Variants in APBB2 observed in about 807,000 individuals in gnomAD.
APBB2 encodes the protein Fe65-like 1.
APBB2 carries 38 observed loss-of-function variants against 82.5 expected under a neutral mutation model. The observed-to-expected ratio is 0.46, with a 90% CI of 0.36 to 0.60. The LOEUF is 0.60. APBB2 is among the 20% of genes least tolerant of loss of function. APBB2 has a pLI of 0.00. For synonymous variants in APBB2, 341 were observed against 368.2 expected, an observed-to-expected ratio of 0.93 and a Z score of 0.85; for missense variants, 772 against 972.3, an observed-to-expected ratio of 0.79 and a Z score of 2.74.
At chr4:40,882,690 G>C (rs1012194886) in intron 12 of APBB2, among the ~76,000 whole-genome samples, 6 of 152,150 alleles carry the variant, frequency 3.9e-5, no homozygotes, top group African/African-American at 1.4e-4. Flanking sequence ...CGTAGTCTGC[G>C]GAGTCCCAGC....
At chr4:40,860,382 A>G (rs971641365) in intron 12 of APBB2, among the ~76,000 whole-genome samples, 4 of 152,206 alleles carry the variant, frequency 2.6e-5, no homozygotes, top group Admixed American at 6.5e-5. Flanking sequence ...TGGAGCCTCA[A>G]TAAAAATCCT....
chr4:41,099,259 G>A (rs894903998), intron 3 of APBB2, among the ~76,000 whole-genome samples: 5 of 151,906 alleles, frequency 3.3e-5, no homozygotes, highest in African/African-American at 7.3e-5. Context: ...ATGGAGTTTC[G>A]CTCTTGTTGC....
At chr4:41,147,344 T>C (rs1438014826) in intron 1 of APBB2, among the ~76,000 whole-genome samples, 1 of 152,198 alleles carries the variant, frequency 6.6e-6, no homozygotes. Flanking sequence ...GAACTGGATT[T>C]GATTCATAGA....
In APBB2 at chr4:40,852,121, C is replaced by A. The variant is rs556535676; in HGVS notation, c.1530-21544G>T. The stretch of plus-strand genomic sequence containing the variant: ...ATGCCTGTAATCCCAGCACTAAGGC[C>A]GGTGGATCACTTGAGGTCGGGAGCT... On this transcript the variant is annotated intron_variant, in intron 12 of 17. Coordinates refer to ENST00000508593, the MANE Select transcript of APBB2 (RefSeq NM_004307.2). Among the ~76,000 whole-genome samples, 5 of 151,874 alleles carry A rather than the reference C, an allele frequency of 3.3e-5. No homozygotes were observed. In the East Asian group the frequency reaches 9.7e-4, roughly 29 times the overall value.
At chr4:40,846,645 G>A (rs989047512) in intron 12 of APBB2, among the ~76,000 whole-genome samples, 1 of 152,114 alleles carries the variant, frequency 6.6e-6, no homozygotes, top group Non-Finnish European at 1.5e-5. Flanking sequence ...CCACCTCACT[G>A]TCCTGCCCAG....
Position 41,060,335 on chromosome 4 carries a change from A to C in APBB2, c.-51+5241T>G, listed in dbSNP as rs1289529949. On this transcript the variant is annotated intron_variant, in intron 4 of 17. Coordinates refer to ENST00000508593, the MANE Select transcript of APBB2 (RefSeq NM_004307.2). ...TTGCAAAAACTTGTAATATGCAAAGAATTTCTCCCCTTATCAATGCTGAGC... is the reference window on the plus strand; with the variant it reads ...TTGCAAAAACTTGTAATATGCAAAGCATTTCTCCCCTTATCAATGCTGAGC... Among the ~76,000 whole-genome samples, 4 of 152,350 alleles carry C rather than the reference A, an allele frequency of 2.6e-5. No homozygotes were observed. The East Asian group carries it at 7.7e-4, about 29-fold the overall frequency.
intron 2 of APBB2, among the ~76,000 whole-genome samples, chr4:41,109,258 T>C (rs530036869): frequency 6.6e-6 from 1 of 151,836 alleles, no homozygotes; most frequent in Admixed American, 6.6e-5. Context: ...GGCAAGACCC[T>C]ATCTCTCTAC....
At chr4:40,869,659 G>A (rs1411467058) in intron 12 of APBB2, among the ~76,000 whole-genome samples, 1 of 151,992 alleles carries the variant, frequency 6.6e-6, no homozygotes, top group Non-Finnish European at 1.5e-5. Flanking sequence ...AACAAAGTGG[G>A]CCAGAATTTT....
intron 3 of APBB2, among the ~76,000 whole-genome samples, chr4:41,076,356 A>G (rs1391780476): frequency 6.6e-6 from 1 of 152,162 alleles, no homozygotes. Context: ...TAAACCATGA[A>G]GCTTGCTATG....
In APBB2 at chr4:41,156,450, G is replaced by A. The variant is rs555303235; in HGVS notation, c.-416-13308C>T. Among the ~76,000 whole-genome samples the A allele has an allele frequency of 5.9e-5, 9 of 152,302 alleles. No homozygotes were observed. In the East Asian group the frequency reaches 1.5e-3, roughly 26 times the overall value. On this transcript the variant is annotated intron_variant, in intron 1 of 17. Coordinates refer to ENST00000508593, the MANE Select transcript of APBB2 (RefSeq NM_004307.2). The stretch of plus-strand genomic sequence containing the variant: ...AGAATCTCCATGTGCTCCGAGTATC[G>A]ATAGCCAGTCCAGCTTCATTCACTC...
intron 10 of APBB2, among the ~76,000 whole-genome samples, chr4:40,925,848 G>A (rs1474514104): frequency 6.6e-6 from 1 of 152,094 alleles, no homozygotes; most frequent in Non-Finnish European, 1.5e-5. Context: ...AGGAACCAAG[G>A]GAGGGCACAG....
intron 13 of APBB2, among the ~76,000 whole-genome samples, chr4:40,829,037 A>G (rs1454759147): frequency 1.3e-5 from 2 of 152,158 alleles, no homozygotes; most frequent in Admixed American, 1.3e-4. Context: ...CATTCAACAG[A>G]GGGGATGGCA....
At chr4:40,828,671 G>A (rs779267703) in intron 13 of APBB2, among the ~76,000 whole-genome samples, 17 of 152,206 alleles carry the variant, frequency 1.1e-4, no homozygotes, top group Non-Finnish European at 1.5e-4. Flanking sequence ...TGTGTTGCAT[G>A]AATGAATGAG....
At chr4:40,935,816 G>A (rs1035698029) in intron 7 of APBB2, among the ~76,000 whole-genome samples, 1 of 151,716 alleles carries the variant, frequency 6.6e-6, no homozygotes, top group African/African-American at 2.4e-5. Flanking sequence ...ATCATGAAAT[G>A]ATTTTCTAAA....
chr4:41,210,159 G>A (rs541326405), intron 1 of APBB2, among the ~76,000 whole-genome samples: 7 of 152,266 alleles, frequency 4.6e-5, no homozygotes, highest in African/African-American at 2.4e-5. Flanking sequence ...TCTATGGCCC[G>A]GTTCCTAATA....
At chr4:41,007,512 T>C (rs2154425729) in intron 6 of APBB2, among the ~76,000 whole-genome samples, 1 of 152,334 alleles carries the variant, frequency 6.6e-6, no homozygotes, top group Admixed American at 6.5e-5. Flanking sequence ...TCCTTGGCAC[T>C]GGCCCTCCCA....
At chr4:40,962,722 T>TG (rs1481889110) in intron 6 of APBB2, among the ~76,000 whole-genome samples, 3 of 125,882 alleles carry the variant, frequency 2.4e-5, no homozygotes, top group Non-Finnish European at 5.0e-5. Flanking sequence ...GACAAAGAAG[T>TG]GGGGGAAGGG....
chr4:40,972,751 C>T (rs1020920526), intron 6 of APBB2, among the ~76,000 whole-genome samples: 1 of 152,150 alleles, frequency 6.6e-6, no homozygotes, highest in Non-Finnish European at 1.5e-5. Context: ...AGAGAAGTAA[C>T]GAATCCCATG....
In APBB2 at chr4:40,971,255, A is replaced by C. The variant is rs554220042; in HGVS notation, c.836-26182T>G. On this transcript the variant is annotated intron_variant, in intron 6 of 17. Transcript: ENST00000508593. ...AAAAAATTAATCCTAAAATTTAAACATACTGAGAAACAAACCAGTGACTTT... is the reference window on the plus strand; with the variant it reads ...AAAAAATTAATCCTAAAATTTAAACCTACTGAGAAACAAACCAGTGACTTT... 2.6e-5 allele frequency among the ~76,000 whole-genome samples: 4 copies of C among 152,326 alleles called. No individual in the cohort carries two copies. The East Asian group carries it at 7.7e-4, about 29-fold the overall frequency.
Sources: allele counts gnomAD v4.1 joint callset (sites outside exome capture counted in the v4.1 genomes callset), GRCh38; gene constraint gnomAD v4.1.1; transcripts MANE v1.5; gene names NCBI Gene and HGNC (gene_info 2026-07-23, HGNC 2026-07-21).